SEM1: variants seen among roughly 807,000 people sequenced by gnomAD.
The protein encoded by SEM1 is SEM1 26S proteasome subunit.
In SEM1, 3 loss-of-function variants were observed where a neutral mutation model predicts 12.7. The observed-to-expected ratio is 0.24, with a 90% CI of 0.11 to 0.61. The LOEUF is 0.61. Among genes scored for constraint, SEM1 ranks in the 20% least tolerant of loss-of-function variants. The pLI is 0.88. For missense variants in SEM1, 59 were observed against 81.3 expected (o/e 0.73, Z 1.06); for synonymous variants, 30 against 27.8 (o/e 1.08, Z -0.25).
chr7:96,533,450 T>C (rs1190020509), intron 2 of SEM1, among the ~76,000 whole-genome samples: 1 of 152,106 alleles, frequency 6.6e-6, no homozygotes, highest in Non-Finnish European at 1.5e-5. Flanking sequence ...CTAGGCTGTT[T>C]AATTTATTTC....
intron 2 of SEM1, among the ~76,000 whole-genome samples, chr7:96,534,999 G>A (rs1325033833): frequency 6.6e-6 from 1 of 151,884 alleles, no homozygotes; most frequent in East Asian, 1.9e-4. Context: ...AGAGAGCAAA[G>A]GAGTCCTAAG....
chr7:96,708,498 G>A (rs1790540818), intron 1 of SEM1, among the ~76,000 whole-genome samples: 1 of 152,212 alleles, frequency 6.6e-6, no homozygotes, highest in African/African-American at 2.4e-5. Flanking sequence ...GCAACAGGAT[G>A]TGTACCCCAT....
At chr7:96,523,667 C>A (rs1804355790) in intron 2 of SEM1, among the ~76,000 whole-genome samples, 1 of 152,108 alleles carries the variant, frequency 6.6e-6, no homozygotes, top group African/African-American at 2.4e-5. Context: ...CCACCTTCAG[C>A]ACCTGCCCAG....
rs1805510877 is a variant in SEM1 at position 96,556,604 on chromosome 7, C to T, written c.171-49906G>A. On this transcript the variant is annotated intron_variant and NMD_transcript_variant, in intron 2 of 3. Coordinates refer to the SEM1 transcript ENST00000466986. Reference sequence around the variant, plus strand: ...TCCCTTTGAGGGTAACCCGACCTTTCTCTCTGGCTGCCCTTAACATTTTTT... The same window carrying T: ...TCCCTTTGAGGGTAACCCGACCTTTTTCTCTGGCTGCCCTTAACATTTTTT... Among the ~76,000 whole-genome samples the T allele has an allele frequency of 2.0e-5, 3 of 150,168 alleles. No individual in the cohort carries two copies. The South Asian group carries it at 6.5e-4, about 32-fold the overall frequency.
Position 96,576,935 on chromosome 7 carries a change from T to A in SEM1, c.171-70237A>T, listed in dbSNP as rs540057505. 3.3e-5 allele frequency among the ~76,000 whole-genome samples: 5 copies of A among 152,150 alleles called. No homozygotes were observed. The East Asian group carries it at 9.7e-4, about 29-fold the overall frequency. ...GAGTTTGAGACCAGCCTGACCAACA[T>A]GGTGAAACCCCGTTTCTACTAAAAA... On this transcript the variant is annotated intron_variant and NMD_transcript_variant, in intron 2 of 3. Transcript: ENST00000466986.
downstream of SEM1, among the ~76,000 whole-genome samples, chr7:96,620,067 G>A (rs921415106): frequency 1.4e-4 from 22 of 152,102 alleles, no homozygotes; most frequent in African/African-American, 5.1e-4. Context: ...ATATGTAGGA[G>A]AGCCTAGTTT....
intron 2 of SEM1, among the ~76,000 whole-genome samples, chr7:96,599,101 A>G (rs1807103495): frequency 6.6e-6 from 1 of 152,066 alleles, no homozygotes; most frequent in Admixed American, 6.6e-5. Context: ...GGAAAGGAAG[A>G]GGCTCTCTTA....
At chr7:96,501,293 G>A (rs1378864236), upstream of SEM1, among the ~76,000 whole-genome samples, 4 of 152,086 alleles carry the variant, frequency 2.6e-5, no homozygotes, top group Admixed American at 2.6e-4. Context: ...GAAATAAATG[G>A]TCAAGGCAGG....
chr7:96,669,211 C>A (rs1789247172), downstream of SEM1, among the ~76,000 whole-genome samples: 1 of 152,096 alleles, frequency 6.6e-6, no homozygotes, highest in Admixed American at 6.6e-5. Context: ...GTGCTGAACT[C>A]CGAAAGCCTC....
At chr7:96,544,478 A>G (rs1805047289) in intron 2 of SEM1, among the ~76,000 whole-genome samples, 1 of 152,038 alleles carries the variant, frequency 6.6e-6, no homozygotes, top group African/African-American at 2.4e-5. Flanking sequence ...CTCATTATAG[A>G]TGTTTAATAA....
intron 2 of SEM1, among the ~76,000 whole-genome samples, chr7:96,526,020 C>A (rs1028786192): frequency 6.6e-6 from 1 of 152,082 alleles, no homozygotes; most frequent in Admixed American, 6.6e-5. Context: ...GTTGCACAAC[C>A]ATGACCTCAA....
intron 2 of SEM1, among the ~76,000 whole-genome samples, chr7:96,667,119 T>C (rs1339373900): frequency 6.6e-6 from 1 of 152,188 alleles, no homozygotes; most frequent in Non-Finnish European, 1.5e-5. Context: ...ACAAATGTGG[T>C]TGGGACGGAA....
chr7:96,591,832 T>C (rs1483346787), intron 2 of SEM1, among the ~76,000 whole-genome samples: 2 of 151,964 alleles, frequency 1.3e-5, no homozygotes, highest in Non-Finnish European at 2.9e-5. Context: ...TTTTTTCCTT[T>C]CAAAACAACA....
At chr7:96,541,454 T>TG (rs1804951454) in intron 2 of SEM1, among the ~76,000 whole-genome samples, 1 of 149,520 alleles carries the variant, frequency 6.7e-6, no homozygotes, top group Admixed American at 6.7e-5. Flanking sequence ...TTTTTTTTTT[T>TG]TTTTTGCTGA....
downstream of SEM1, among the ~76,000 whole-genome samples, chr7:96,620,594 G>A (rs112408174): frequency 2.6e-4 from 39 of 152,230 alleles, 1 homozygote; most frequent in African/African-American, 8.9e-4. Context: ...TCCCACACCC[G>A]CGAGCCTCTC....
At chr7:96,496,310 GCT>G in exon 1 of SEM1, 1 of 1,510,290 alleles carries the variant, frequency 6.6e-7, no homozygotes, top group Non-Finnish European at 8.9e-7. Context: ...TTCCTTCAGA[GCT>G]GCATAGCATC....
chr7:96,500,318 G>C (rs1487193610), upstream of SEM1, among the ~76,000 whole-genome samples: 3 of 152,016 alleles, frequency 2.0e-5, no homozygotes, highest in African/African-American at 4.8e-5. Flanking sequence ...GGCCAAGTGG[G>C]TCCTCTTTGG....
At chr7:96,574,335 C>T (rs1013761575) in intron 2 of SEM1, among the ~76,000 whole-genome samples, 5 of 152,288 alleles carry the variant, frequency 3.3e-5, no homozygotes, top group Admixed American at 2.6e-4. Flanking sequence ...CAGTCTATCA[C>T]TGATGGACAT....
chr7:96,634,797 T>C (rs1423250825), intron 2 of SEM1, among the ~76,000 whole-genome samples: 2 of 151,450 alleles, frequency 1.3e-5, no homozygotes, highest in African/African-American at 4.9e-5. Flanking sequence ...TGGAGAAGAG[T>C]AGGCAAGGGG....
Sources: gnomAD v4.1 joint callset for allele counts (sites outside exome capture counted in the v4.1 genomes callset) on GRCh38, gnomAD v4.1.1 for gene constraint, MANE v1.5 for transcripts, NCBI Gene and HGNC (gene_info 2026-07-23, HGNC 2026-07-21) for gene names.